PLCXD3: variants seen among roughly 807,000 people sequenced by gnomAD.
The protein encoded by PLCXD3 is phosphatidylinositol specific phospholipase C X domain containing 3.
PLCXD3 carries 19 observed loss-of-function variants against 25.5 expected under a neutral mutation model. The ratio of observed to expected loss-of-function variants is 0.75; its 90% CI spans 0.52 to 1.09. The LOEUF (loss-of-function observed/expected upper bound fraction) is 1.09. PLCXD3 is among the 50% of genes least tolerant of loss of function. PLCXD3 has a pLI of 0.00. For synonymous variants in PLCXD3, 174 were observed against 137.6 expected (o/e 1.26, Z -1.85); for missense variants, 411 against 388.1 (o/e 1.06, Z -0.50).
intron 1 of PLCXD3, among the ~76,000 whole-genome samples, chr5:41,438,641 C>T (rs999539974): frequency 1.3e-5 from 2 of 152,144 alleles, no homozygotes; most frequent in Non-Finnish European, 2.9e-5. Flanking sequence ...AAACCCTGCC[C>T]TAATCACCCT....
intron 2 of PLCXD3, among the ~76,000 whole-genome samples, chr5:41,336,173 A>C (rs925792408): frequency 6.6e-5 from 10 of 152,156 alleles, no homozygotes; most frequent in Admixed American, 3.3e-4. Context: ...TAATGACAAT[A>C]ATAATGGTAC....
chr5:41,465,164 G>C (rs1262678303), intron 1 of PLCXD3, among the ~76,000 whole-genome samples: 3 of 151,870 alleles, frequency 2.0e-5, no homozygotes, highest in African/African-American at 7.2e-5. Context: ...CTAAACGTAT[G>C]ACATGTTTTT....
At chr5:41,439,930 A>G (rs1412756014) in intron 1 of PLCXD3, among the ~76,000 whole-genome samples, 1 of 152,196 alleles carries the variant, frequency 6.6e-6, no homozygotes, top group African/African-American at 2.4e-5. Flanking sequence ...GAATCTGCAG[A>G]ATAAAAAGGG....
chr5:41,378,660 A>T (rs572406862), intron 2 of PLCXD3, among the ~76,000 whole-genome samples: 20 of 152,242 alleles, frequency 1.3e-4, no homozygotes, highest in South Asian at 1.0e-3. Context: ...CTTGGAAAAC[A>T]TTGTATTAGT....
chr5:41,432,140 A>T (rs577636714), intron 1 of PLCXD3, among the ~76,000 whole-genome samples: 1 of 152,314 alleles, frequency 6.6e-6, no homozygotes, highest in Non-Finnish European at 1.5e-5. Flanking sequence ...GCCCTCAGAT[A>T]CTGGGAAATT....
intron 1 of PLCXD3, among the ~76,000 whole-genome samples, chr5:41,412,995 T>G (rs1430144962): frequency 1.3e-5 from 2 of 152,138 alleles, no homozygotes; most frequent in Admixed American, 1.3e-4. Context: ...AAAAAAGAAG[T>G]AACGACATGA....
At chr5:41,412,392 T>G (rs2150503708) in intron 1 of PLCXD3, among the ~76,000 whole-genome samples, 1 of 152,338 alleles carries the variant, frequency 6.6e-6, no homozygotes, top group East Asian at 1.9e-4. Context: ...AAACTCTTCC[T>G]ATATCTTTTA....
intron 2 of PLCXD3, among the ~76,000 whole-genome samples, chr5:41,358,297 AT>A (rs897384421): frequency 6.6e-6 from 1 of 151,886 alleles, no homozygotes; most frequent in Non-Finnish European, 1.5e-5. Flanking sequence ...TGGGCTACTT[AT>A]TTTTTTTATT....
chr5:41,417,584 AG>A (rs1385629020), intron 1 of PLCXD3, among the ~76,000 whole-genome samples: 1 of 152,254 alleles, frequency 6.6e-6, no homozygotes, highest in Non-Finnish European at 1.5e-5. Context: ...AAGGGAGGAA[AG>A]AAAATCCTGG....
intron 1 of PLCXD3, among the ~76,000 whole-genome samples, chr5:41,407,538 C>A (rs1176694205): frequency 6.6e-6 from 1 of 152,160 alleles, no homozygotes; most frequent in Non-Finnish European, 1.5e-5. Context: ...CTTCTTTTTC[C>A]TGGCACATAA....
rs142960622 is a variant in PLCXD3 at position 41,414,715 on chromosome 5, A to G, written c.104-32181T>C. 3.2e-4 allele frequency among the ~76,000 whole-genome samples: 48 copies of G among 152,362 alleles called. No individual in the cohort carries two copies. The East Asian group carries it at 5.2e-3, about 17-fold the overall frequency. On this transcript the variant is annotated intron_variant, in intron 1 of 2. Transcript: ENST00000377801. ...GGAAAATTCCAGAAATAAACAACTT[A>G]TAAGTTTTAAATTGTGCACCATTCT... is the stretch of plus-strand genomic sequence containing the variant.
intron 2 of PLCXD3, among the ~76,000 whole-genome samples, chr5:41,358,198 G>A (rs1744673290): frequency 6.6e-6 from 1 of 152,202 alleles, no homozygotes; most frequent in South Asian, 2.1e-4. Context: ...AGGAACTGAG[G>A]TTCAGAGGGT....
intron 1 of PLCXD3, among the ~76,000 whole-genome samples, chr5:41,462,208 A>C (rs527866056): frequency 6.6e-6 from 1 of 152,178 alleles, no homozygotes; most frequent in South Asian, 2.1e-4. Context: ...TTAGAAATCC[A>C]GGGTCATTTT....
At chr5:41,462,244 A>G (rs992861696) in intron 1 of PLCXD3, among the ~76,000 whole-genome samples, 2 of 152,052 alleles carry the variant, frequency 1.3e-5, no homozygotes, top group African/African-American at 2.4e-5. Flanking sequence ...GCCTAAAAAC[A>G]TAGCTAACAT....
At chr5:41,350,773 C>T (rs1030233929) in intron 2 of PLCXD3, among the ~76,000 whole-genome samples, 4 of 152,100 alleles carry the variant, frequency 2.6e-5, no homozygotes, top group African/African-American at 7.2e-5. Flanking sequence ...TTATTTTTCC[C>T]AGGAAGTTAC....
intron 1 of PLCXD3, among the ~76,000 whole-genome samples, chr5:41,446,958 A>T (rs2150513107): frequency 6.6e-6 from 1 of 152,338 alleles, no homozygotes; most frequent in Admixed American, 6.5e-5. Context: ...ACCTATTGGG[A>T]TGCTGTAATA....
rs186786119 is a variant in PLCXD3 at position 41,327,891 on chromosome 5, G to C, written c.813-14121C>G. Among the ~76,000 whole-genome samples, 10 of 151,968 alleles carry C rather than the reference G, an allele frequency of 6.6e-5. No homozygotes were observed. In the East Asian group the frequency reaches 1.9e-3, roughly 29 times the overall value. Reference sequence around the variant, plus strand: ...CATAGTCATAGCTCACTGTAACCTCGAACTCCCGGACTCAAGCGATCCTCC... The same window carrying C: ...CATAGTCATAGCTCACTGTAACCTCCAACTCCCGGACTCAAGCGATCCTCC... On this transcript the variant is annotated intron_variant, in intron 2 of 2. Coordinates refer to ENST00000377801, the MANE Select transcript of PLCXD3 (RefSeq NM_001005473.3).
Position 41,421,714 on chromosome 5 carries a change from A to AAAAC in PLCXD3, c.104-39184_104-39181dup, listed in dbSNP as rs200134588. Among the ~76,000 whole-genome samples, 56 of 152,260 alleles carry AAAAC rather than the reference A, an allele frequency of 3.7e-4. No individual in the cohort carries two copies. In the East Asian group the frequency reaches 6.0e-3, roughly 16 times the overall value. The stretch of plus-strand genomic sequence containing the variant: ...AGACTCCTTCTCAAAAAAACAAAAC[A>AAAAC]AAACAAACAAACAAACAAAAAAGCT... On this transcript the variant is annotated intron_variant, in intron 1 of 2. Transcript: ENST00000377801.
At chr5:41,412,872 C>A (rs1051631870) in intron 1 of PLCXD3, among the ~76,000 whole-genome samples, 9 of 152,108 alleles carry the variant, frequency 5.9e-5, no homozygotes, top group Non-Finnish European at 1.0e-4. Context: ...AACTGTAAAG[C>A]CTTTCTTTAA....
Sources: allele counts gnomAD v4.1 joint callset (sites outside exome capture counted in the v4.1 genomes callset), GRCh38; gene constraint gnomAD v4.1.1; transcripts MANE v1.5; gene names NCBI Gene and HGNC (gene_info 2026-07-23, HGNC 2026-07-21).